Variants in UNC79 observed in about 807,000 individuals in gnomAD.
UNC79 encodes unc-79 subunit of NALCN channel complex.
Under a neutral mutation model 283.1 loss-of-function variants are expected in UNC79, and 37 were observed. The ratio of observed to expected loss-of-function variants is 0.13; its 90% CI spans 0.10 to 0.17. The LOEUF is 0.17. UNC79 is among the 10% of genes least tolerant of loss of function. UNC79 has a pLI of 1.00. For missense variants in UNC79, 2,272 were observed against 3,211.1 expected, an observed-to-expected ratio of 0.71 and a Z score of 7.07; for synonymous variants, 1,107 against 1,200.2, an observed-to-expected ratio of 0.92 and a Z score of 1.61.
chr14:93,440,646 T>C (rs1224465836), intron 1 of UNC79, among the ~76,000 whole-genome samples: 1 of 152,056 alleles, frequency 6.6e-6, no homozygotes, highest in African/African-American at 2.4e-5. Context: ...TTATAACTAT[T>C]TTCAAGAAAT....
chr14:93,673,551 C>A (rs568672740), intron 41 of UNC79, 96 bp downstream of exon 44: 2 of 945,092 alleles, frequency 2.1e-6, no homozygotes, highest in Non-Finnish European at 3.2e-6. Flanking sequence ...AACTAAATAT[C>A]TTTGCTTAGA....
At chr14:93,650,511 T>C (rs567215278) in intron 35 of UNC79, among the ~76,000 whole-genome samples, 3 of 152,310 alleles carry the variant, frequency 2.0e-5, no homozygotes, top group Admixed American at 6.5e-5. Context: ...GGTGGATGTG[T>C]AATGGGTATT....
intron 1 of UNC79, among the ~76,000 whole-genome samples, chr14:93,460,791 G>A (rs968099932): frequency 6.6e-6 from 1 of 152,124 alleles, no homozygotes; most frequent in Non-Finnish European, 1.5e-5. Context: ...TTGGGAGGCC[G>A]AGGCAGGAAG....
chr14:93,472,622 C>T (rs1452828284), intron 2 of UNC79, among the ~76,000 whole-genome samples: 1 of 152,016 alleles, frequency 6.6e-6, no homozygotes, highest in Non-Finnish European at 1.5e-5. Flanking sequence ...AAATACAAAG[C>T]ATGTAGTCAT....
At chr14:93,380,001 C>A (rs2054634795) in intron 1 of UNC79, among the ~76,000 whole-genome samples, 1 of 152,150 alleles carries the variant, frequency 6.6e-6, no homozygotes, top group Non-Finnish European at 1.5e-5. Flanking sequence ...GCTCTGCCAC[C>A]TCATAGTATT....
At chr14:93,341,048 C>T (rs2053697669) in intron 1 of UNC79, among the ~76,000 whole-genome samples, 1 of 152,132 alleles carries the variant, frequency 6.6e-6, no homozygotes, top group African/African-American at 2.4e-5. Context: ...GGAATTTGAC[C>T]TTTGATCTTT....
chr14:93,394,351 CTTTTATT>C, intron 1 of UNC79, among the ~76,000 whole-genome samples: 1 of 124,766 alleles, frequency 8.0e-6, no homozygotes, highest in Admixed American at 8.2e-5. Flanking sequence ...ATGCAATTGT[CTTTTATT>C]TTATTTTATT....
chr14:93,673,505 T>G (rs2073067470), intron 41 of UNC79, 50 bp downstream of exon 44: 1 of 1,544,530 alleles, frequency 6.5e-7, no homozygotes, highest in East Asian at 2.3e-5. Flanking sequence ...CATGTATGTT[T>G]GGGAAAATTA....
intron 24 of UNC79, 128 bp downstream of exon 24, chr14:93,597,668 T>C (rs1471354283): frequency 9.4e-7 from 1 of 1,067,072 alleles, no homozygotes; most frequent in East Asian, 2.6e-5. Flanking sequence ...GGGTAGTTTA[T>C]AAACAACAGA....
chr14:93,549,086 C>T (rs2061744865), intron 14 of UNC79, among the ~76,000 whole-genome samples: 1 of 152,130 alleles, frequency 6.6e-6, no homozygotes, highest in African/African-American at 2.4e-5. Context: ...AAGCTAAAAG[C>T]AGATAAACTT....
At chr14:93,572,719 C>T in exon 16 of UNC79, 1 of 1,614,122 alleles carries the variant, frequency 6.2e-7, no homozygotes, top group South Asian at 1.1e-5. Flanking sequence ...GAACTCTGTC[C>T]TCTGCCTTTC....
chr14:93,653,202 C>T (rs1482994353), intron 35 of UNC79, among the ~76,000 whole-genome samples: 1 of 152,052 alleles, frequency 6.6e-6, no homozygotes, highest in Non-Finnish European at 1.5e-5. Context: ...TGCAGAGGTG[C>T]ACATGAAGGG....
At chr14:93,558,847 C>A (rs1047746265) in intron 14 of UNC79, among the ~76,000 whole-genome samples, 1 of 151,896 alleles carries the variant, frequency 6.6e-6, no homozygotes, top group Non-Finnish European at 1.5e-5. Context: ...TTTTCTGTTT[C>A]ATGGAACCTT....
chr14:93,380,508 G>C lies in UNC79; in HGVS notation c.-351+46985G>C, dbSNP rs376217807. 5.3e-5 allele frequency among the ~76,000 whole-genome samples: 8 copies of C among 152,188 alleles called. No individual in the cohort carries two copies. The East Asian group carries it at 7.8e-4, about 15-fold the overall frequency. On this transcript the variant is annotated intron_variant, in intron 1 of 49. Transcript: ENST00000256339. ...AAATCCCCTTTGACCACTCTAAGGT[G>C]GTCTCCTTGCTTCCTTCTTTTATTT...
chr14:93,339,198 AC>A (rs2053646475), intron 1 of UNC79, among the ~76,000 whole-genome samples: 1 of 152,120 alleles, frequency 6.6e-6, no homozygotes, highest in South Asian at 2.1e-4. Context: ...CACAGAGACA[AC>A]CCCCAACCAG....
chr14:93,676,865 A>G (rs2140724302), intron 41 of UNC79, among the ~76,000 whole-genome samples: 1 of 152,368 alleles, frequency 6.6e-6, no homozygotes, highest in East Asian at 1.9e-4. Flanking sequence ...AATGTGTTTT[A>G]TGGGTTTTCA....
At chr14:93,600,398 A>C (rs571365891) in intron 24 of UNC79, among the ~76,000 whole-genome samples, 171 bp from the exon 25 acceptor site, 1 of 152,340 alleles carries the variant, frequency 6.6e-6, no homozygotes, top group East Asian at 1.9e-4. Flanking sequence ...TTTCTTTCCT[A>C]CCAAAACTTC....
At chr14:93,511,611 C>T (rs1464934947) in intron 7 of UNC79, among the ~76,000 whole-genome samples, 1 of 151,998 alleles carries the variant, frequency 6.6e-6, no homozygotes, top group Non-Finnish European at 1.5e-5. Flanking sequence ...CCACGCCCAA[C>T]TAATTTTTGT....
intron 1 of UNC79, among the ~76,000 whole-genome samples, chr14:93,349,219 AC>A (rs1360363973): frequency 6.6e-6 from 1 of 152,198 alleles, no homozygotes; most frequent in Non-Finnish European, 1.5e-5. Context: ...GGGACCAAGA[AC>A]CCACCAATTC....
Sources: allele counts gnomAD v4.1 joint callset (sites outside exome capture counted in the v4.1 genomes callset), GRCh38; gene constraint gnomAD v4.1.1; transcripts MANE v1.5; gene names NCBI Gene and HGNC (gene_info 2026-07-23, HGNC 2026-07-21).